PRIM2: variants seen among roughly 807,000 people sequenced by gnomAD.
PRIM2 encodes DNA primase large subunit.
A neutral mutation model predicts 67.3 loss-of-function variants in PRIM2; 39 were observed. The ratio of observed to expected loss-of-function variants is 0.58; its 90% CI spans 0.45 to 0.76. The LOEUF (loss-of-function observed/expected upper bound fraction) is 0.76. Among genes scored for constraint, PRIM2 ranks in the 30% least tolerant of loss-of-function variants. PRIM2 has a pLI of 0.00. For synonymous variants in PRIM2, 143 were observed against 198.7 expected (o/e 0.72, Z 2.36); for missense variants, 398 against 598.7 (o/e 0.66, Z 3.50).
the PRIM2 span, among the ~76,000 whole-genome samples, chr6:57,243,491 T>TGAGAC: frequency 3.9e-5 from 6 of 152,104 alleles, no homozygotes; most frequent in Non-Finnish European, 8.8e-5. Context: ...TTATTTGAGA[T>TGAGAC]GGAGCCTCGG....
intron 6 of PRIM2, among the ~76,000 whole-genome samples, chr6:57,380,991 C>A (rs1769941209): frequency 6.6e-6 from 1 of 151,338 alleles, no homozygotes; most frequent in African/African-American, 2.4e-5. Flanking sequence ...CCAAATAAGT[C>A]TAGTCAGTAT....
At chr6:57,583,048 T>G (rs1776125910) in intron 10 of PRIM2, among the ~76,000 whole-genome samples, 1 of 149,914 alleles carries the variant, frequency 6.7e-6, no homozygotes, top group African/African-American at 2.5e-5. Context: ...TTTGGTTTTT[T>G]GTCCTTGCGA....
chr6:57,435,339 A>T (rs1771976322), intron 7 of PRIM2: 1 of 152,178 alleles, frequency 6.6e-6, no homozygotes, highest in Non-Finnish European at 1.5e-5. Context: ...ACATTCGGGA[A>T]GGACAGGATG....
intron 10 of PRIM2, among the ~76,000 whole-genome samples, chr6:57,559,717 C>T (rs2127477762): frequency 6.6e-6 from 1 of 152,308 alleles, no homozygotes; most frequent in Non-Finnish European, 1.5e-5. Flanking sequence ...AAGGAAGTCA[C>T]ACAATTTGCT....
the PRIM2 span, among the ~76,000 whole-genome samples, chr6:57,262,398 G>A: frequency 6.6e-6 from 1 of 152,082 alleles, no homozygotes; most frequent in African/African-American, 2.4e-5. Context: ...CCCCTTCAAA[G>A]TATTTCCAGT....
chr6:57,609,231 A>AC (rs1340970000), intron 12 of PRIM2, among the ~76,000 whole-genome samples: 3 of 152,222 alleles, frequency 2.0e-5, no homozygotes, highest in African/African-American at 4.8e-5. Flanking sequence ...TGGAGGAAGG[A>AC]CGATATGTAC....
intron 7 of PRIM2, among the ~76,000 whole-genome samples, chr6:57,465,782 A>G (rs1272094103): frequency 6.6e-6 from 1 of 152,052 alleles, no homozygotes; most frequent in Non-Finnish European, 1.5e-5. Context: ...TGTAATGTAC[A>G]TTAGTGCTTT....
At chr6:57,567,779 G>C (rs1339398518) in intron 10 of PRIM2, among the ~76,000 whole-genome samples, 59,082 of 151,556 alleles carry the variant, frequency 0.39, 11,704 homozygotes, top group East Asian at 0.65. Flanking sequence ...CATGTTGGGG[G>C]AGATTTTTTA....
chr6:57,538,998 G>C (rs1775076764), intron 10 of PRIM2, among the ~76,000 whole-genome samples: 1 of 152,130 alleles, frequency 6.6e-6, no homozygotes, highest in Non-Finnish European at 1.5e-5. Flanking sequence ...CAGCTCGTGT[G>C]TGTAGCTATA....
chr6:57,271,479 C>T, the PRIM2 span, among the ~76,000 whole-genome samples: 1 of 152,190 alleles, frequency 6.6e-6, no homozygotes, highest in African/African-American at 2.4e-5. Context: ...GTGATATCCC[C>T]TTTACCATTT....
intron 13 of PRIM2, among the ~76,000 whole-genome samples, chr6:57,634,319 G>A (rs1170133543): frequency 6.6e-6 from 1 of 152,196 alleles, no homozygotes; most frequent in Non-Finnish European, 1.5e-5. Flanking sequence ...TCTGTTGTGG[G>A]TCCTGTCCTC....
chr6:57,310,531 C>T (rs181632198), upstream of PRIM2, among the ~76,000 whole-genome samples: 8 of 152,402 alleles, frequency 5.2e-5, no homozygotes, highest in African/African-American at 1.7e-4. Context: ...AAACCACCAT[C>T]GTCATCATGG....
chr6:57,435,489 G>A (rs1771981187), intron 7 of PRIM2, among the ~76,000 whole-genome samples: 3 of 152,118 alleles, frequency 2.0e-5, no homozygotes. Context: ...TCATTCCAAA[G>A]GAAATTTTGA....
chr6:57,275,715 C>T, the PRIM2 span, among the ~76,000 whole-genome samples: 5 of 152,292 alleles, frequency 3.3e-5, no homozygotes, highest in South Asian at 6.2e-4. Flanking sequence ...ACACAGCTGT[C>T]GTCTCCTGAG....
intron 10 of PRIM2, among the ~76,000 whole-genome samples, chr6:57,578,167 A>G (rs2127483906): frequency 6.6e-6 from 1 of 152,286 alleles, no homozygotes; most frequent in African/African-American, 2.4e-5. Context: ...GTATCCCTCT[A>G]AGGGCATGTG....
At chr6:57,390,412 G>A (rs1286301422) in intron 7 of PRIM2, among the ~76,000 whole-genome samples, 1 of 151,796 alleles carries the variant, frequency 6.6e-6, no homozygotes, top group Non-Finnish European at 1.5e-5. Context: ...TTTTAGGTTT[G>A]GGGGTACATG....
intron 13 of PRIM2, among the ~76,000 whole-genome samples, chr6:57,639,631 T>C (rs1233023307): frequency 3.6e-5 from 1 of 27,538 alleles, no homozygotes; most frequent in East Asian, 1.0e-3. Flanking sequence ...CTAGAAAGTT[T>C]AGAAGAAATG....
the PRIM2 span, among the ~76,000 whole-genome samples, chr6:57,288,654 C>A: frequency 1.3e-5 from 2 of 152,248 alleles, no homozygotes; most frequent in South Asian, 4.2e-4. Flanking sequence ...GACACCCAGG[C>A]AAATAAGGTC....
chr6:57,474,212 T>C, intron 7 of PRIM2, among the ~76,000 whole-genome samples: 1 of 50,390 alleles, frequency 2.0e-5, no homozygotes, highest in Non-Finnish European at 3.4e-5. Context: ...TTGAGCTCTG[T>C]CACCCAGGCT....
Sources: gnomAD v4.1 joint callset for allele counts (sites outside exome capture counted in the v4.1 genomes callset) on GRCh38, gnomAD v4.1.1 for gene constraint, MANE v1.5 for transcripts, NCBI Gene and HGNC (gene_info 2026-07-23, HGNC 2026-07-21) for gene names.